The following CNTFR variants were observed in gnomAD, a reference collection of about 807,000 sequenced individuals.
CNTFR encodes the protein ciliary neurotrophic factor receptor.
In CNTFR, 12 loss-of-function variants were observed where a neutral mutation model predicts 40.4. That is an observed-to-expected ratio of 0.30 (90% CI 0.19 to 0.48). The LOEUF (loss-of-function observed/expected upper bound fraction) is 0.48, where lower values mean the gene tolerates loss of function less well. CNTFR is among the 20% of genes least tolerant of loss of function. CNTFR has a pLI of 0.99. For synonymous variants in CNTFR, 202 were observed against 209.6 expected (o/e 0.96, Z 0.31); for missense variants, 414 against 506.8 (o/e 0.82, Z 1.76).
Position 34,551,950 on chromosome 9 carries a change from T to G in CNTFR, c.*121A>C. The G allele has an allele frequency of 4.1e-6, 3 of 738,500 alleles. No homozygotes were observed. The South Asian group carries it at 4.4e-5, about 11-fold the overall frequency. The allele number at this position is 738,500 out of a possible 1,614,324, so 45.7% of individuals were successfully genotyped here. A position where few individuals can be genotyped will look rare whatever the true frequency, so the allele number is the denominator to read the frequency against. ...CCCGCCGGGGTCTCCACAAATTGTG[T>G]CTGAAGAGAATGCAAAAGGTCCTCC... On this transcript the variant is annotated 3_prime_UTR_variant, in exon 10 of 10. Transcript: ENST00000378980.
intron 4 of CNTFR, among the ~76,000 whole-genome samples, chr9:34,559,914 C>T (rs73645427): frequency 1.3e-5 from 2 of 152,052 alleles, no homozygotes; most frequent in Admixed American, 6.5e-5. Context: ...TGTCCTCCCC[C>T]CTCAGACCGC....
intron 4 of CNTFR, among the ~76,000 whole-genome samples, chr9:34,559,914 C>G (rs73645427): frequency 0.13 from 19,086 of 152,152 alleles, 1,462 homozygotes; most frequent in Middle Eastern, 0.19. Context: ...TGTCCTCCCC[C>G]CTCAGACCGC....
At chr9:34,580,614 C>A (rs1286598134) in intron 2 of CNTFR, among the ~76,000 whole-genome samples, 1 of 152,242 alleles carries the variant, frequency 6.6e-6, no homozygotes, top group Admixed American at 6.5e-5. Context: ...CCCCCACCCC[C>A]AAGCTGCCAA....
intron 2 of CNTFR, among the ~76,000 whole-genome samples, chr9:34,580,358 C>A (rs1827222246): frequency 6.6e-6 from 1 of 152,158 alleles, no homozygotes; most frequent in African/African-American, 2.4e-5. Context: ...GCCTCCCTTC[C>A]TCCTCTCCTG....
In CNTFR at chr9:34,551,749, G is replaced by C. The variant is rs915146930; in HGVS notation, c.*322C>G. Reference sequence around the variant, plus strand: ...GGGCAGGAGGAGAAATCGGATGTGAGAGGCTCCCCTCACGTCCCCCAAGGG... The same window carrying C: ...GGGCAGGAGGAGAAATCGGATGTGACAGGCTCCCCTCACGTCCCCCAAGGG... On this transcript the variant is annotated 3_prime_UTR_variant, in exon 10 of 10. Coordinates refer to ENST00000378980, the MANE Select transcript of CNTFR (RefSeq NM_147164.3). 1 of 549,628 alleles carries C rather than the reference G, an allele frequency of 1.8e-6. No individual in the cohort carries two copies. The highest frequency in any genetic ancestry group is 3.3e-6 in the Non-Finnish European group (1 of 305,936). The allele number at this position is 549,628 out of a possible 1,614,324, so 34.0% of individuals were successfully genotyped here. A position where few individuals can be genotyped will look rare whatever the true frequency, so the allele number is the denominator to read the frequency against.
At chr9:34,558,236 G>A (rs979698445) in intron 4 of CNTFR, among the ~76,000 whole-genome samples, 4 of 152,338 alleles carry the variant, frequency 2.6e-5, no homozygotes, top group South Asian at 4.1e-4. Context: ...GGCAGGAACC[G>A]TGGGGAGCAG....
rs752430590 is a variant in CNTFR, at chr9:34,551,980, C to T, written c.*91G>A. 2.9e-4 allele frequency: 231 copies of T among 793,420 alleles called. No homozygotes were observed. Among genetic ancestry groups the T allele is most frequent in the South Asian group, 5.9e-4 (41 of 69,210 alleles). The allele number at this position is 793,420 out of a possible 1,614,324, so 49.1% of individuals were successfully genotyped here. On this transcript the variant is annotated 3_prime_UTR_variant, in exon 10 of 10. Coordinates refer to ENST00000378980, the MANE Select transcript of CNTFR (RefSeq NM_147164.3). ...AGAGAATGCAAAAGGTCCTCCTGCC[C>T]GTGTGCAAAATAGAAACCGGGGTCT...
chr9:34,583,161 C>T (rs1303332615), intron 1 of CNTFR, among the ~76,000 whole-genome samples: 3 of 152,220 alleles, frequency 2.0e-5, no homozygotes, highest in African/African-American at 4.8e-5. Context: ...CACCTGCTGT[C>T]CTCTAGGAGG....
At chr9:34,588,860 G>T (rs1030808450) in intron 1 of CNTFR, among the ~76,000 whole-genome samples, 1 of 152,094 alleles carries the variant, frequency 6.6e-6, no homozygotes, top group Non-Finnish European at 1.5e-5. Flanking sequence ...GGGACACCCA[G>T]ACTGGCTCAC....
At chr9:34,559,385 C>T (rs1307187425) in intron 4 of CNTFR, among the ~76,000 whole-genome samples, 1 of 152,192 alleles carries the variant, frequency 6.6e-6, no homozygotes, top group African/African-American at 2.4e-5. Context: ...AACTCCAGGG[C>T]ACCAGGTGGA....
Position 34,556,338 on chromosome 9 carries a change from G to C in CNTFR, c.685C>G (p.Pro229Ala). The C allele has an allele frequency of 1.2e-6, 2 of 1,613,964 alleles. No homozygotes were observed. The highest frequency in any genetic ancestry group is 1.7e-6 in the Non-Finnish European group (2 of 1,179,998). The change falls in exon 7 of 10, where the codon CCC (proline) becomes GCC (alanine). Residue 229 changes from proline to alanine, a missense_variant. Physicochemically the swap from Pro to Ala is conservative, Grantham distance 27 (BLOSUM62 -1). Coordinates refer to ENST00000378980, the MANE Select transcript of CNTFR (RefSeq NM_147164.3). ...GACTCAGGGTCAGGCCAGGTCGAGG[G>C]GGTCTGCCACGTCACCTCCAGCCGG... is the stretch of plus-strand genomic sequence containing the variant. Reference protein sequence around the residue: ...PRRLEVTWQTPSTWPDPESFP... With the variant: ...PRRLEVTWQTASTWPDPESFP...
chr9:34,573,607 T>A (rs1826790836), intron 2 of CNTFR, among the ~76,000 whole-genome samples: 1 of 152,116 alleles, frequency 6.6e-6, no homozygotes, highest in Non-Finnish European at 1.5e-5. Flanking sequence ...ATGAAGGGCA[T>A]CCGGCCCAGC....
intron 3 of CNTFR, among the ~76,000 whole-genome samples, chr9:34,565,757 G>A (rs1826256620): frequency 6.6e-6 from 1 of 152,206 alleles, no homozygotes; most frequent in Non-Finnish European, 1.5e-5. Context: ...GCAGCACGAA[G>A]TGGGGGAAGC....
At chr9:34,578,674 A>AC (rs1260101165) in intron 2 of CNTFR, among the ~76,000 whole-genome samples, 1 of 152,082 alleles carries the variant, frequency 6.6e-6, no homozygotes. Context: ...CTCCCAGCCT[A>AC]CCCCCAGGTC....
chr9:34,552,409 C>G lies in CNTFR; in HGVS notation c.950-80G>C, dbSNP rs984614015. 6 of 1,394,376 alleles carry G rather than the reference C, an allele frequency of 4.3e-6. No individual in the cohort carries two copies. The African/African-American group carries it at 8.6e-5, about 20-fold the overall frequency. The allele number at this position is 1,394,376 out of a possible 1,614,324, so 86.4% of individuals were successfully genotyped here. On this transcript the variant is annotated intron_variant, in intron 8 of 9. Transcript: ENST00000378980. This position sits in a 1 kb window ranked among gnomAD's most constrained non-coding sequence, Gnocchi z 5.1. ...CTGGGGGCTCATGAGACATACCATT[C>G]TGCTTCCTGCATCAGACTGGTACTG...
chr9:34,588,229 G>C (rs1030752654), intron 1 of CNTFR, among the ~76,000 whole-genome samples: 1 of 152,168 alleles, frequency 6.6e-6, no homozygotes, highest in Non-Finnish European at 1.5e-5. Context: ...GAGAGGCATA[G>C]TTTGAGACAC....
chr9:34,583,283 T>C (rs72737107), intron 1 of CNTFR, among the ~76,000 whole-genome samples: 6,836 of 152,330 alleles, frequency 0.045, 238 homozygotes, highest in South Asian at 0.069. Flanking sequence ...TCGTCTTACT[T>C]AGGTCTCACT....
At chr9:34,566,268 T>C (rs1826288106) in intron 3 of CNTFR, among the ~76,000 whole-genome samples, 3 of 152,098 alleles carry the variant, frequency 2.0e-5, no homozygotes, top group Non-Finnish European at 2.9e-5. Context: ...CGGGTCTCTC[T>C]CCCTCGCTGC....
rs761992744 is a variant in CNTFR, at chr9:34,552,381, G to A, written c.950-52C>T. The A allele has an allele frequency of 3.4e-5, 50 of 1,492,450 alleles. No homozygotes were observed. The highest frequency in any genetic ancestry group is 6.2e-5 in the Admixed American group (3 of 48,278). 92.5% of individuals were successfully genotyped at this position (1,492,450 alleles called of 1,614,324 possible). A position where few individuals can be genotyped will look rare whatever the true frequency, so the allele number is the denominator to read the frequency against. ...CAAGGCCAGGGCTGGGTCCCATCCA[G>A]ATCTGGGGGCTCATGAGACATACCA... is the stretch of plus-strand genomic sequence containing the variant. On this transcript the variant is annotated intron_variant, in intron 8 of 9. Coordinates refer to ENST00000378980, the MANE Select transcript of CNTFR (RefSeq NM_147164.3). The surrounding 1 kb of genome is among the most constrained non-coding windows in gnomAD (Gnocchi z 5.1).
Sources: allele counts gnomAD v4.1 joint callset (sites outside exome capture counted in the v4.1 genomes callset), GRCh38; gene constraint gnomAD v4.1.1; non-coding constraint Gnocchi (gnomAD v3.1); transcripts MANE v1.5; gene names NCBI Gene and HGNC (gene_info 2026-07-23, HGNC 2026-07-21).